Variants in ZNF280D observed in about 807,000 individuals in gnomAD.
The protein encoded by ZNF280D is zinc finger protein 280D.
A neutral mutation model predicts 94.7 loss-of-function variants in ZNF280D; 39 were observed. The ratio of observed to expected loss-of-function variants is 0.41; its 90% CI spans 0.32 to 0.54. ZNF280D has a LOEUF of 0.54. Among genes scored for constraint, ZNF280D ranks in the 20% least tolerant of loss-of-function variants. The probability of loss-of-function intolerance (pLI) is 0.22; values close to 1 mark genes in which losing one functional copy is unlikely to be tolerated. For missense variants in ZNF280D, 1,090 were observed against 1,149.3 expected (o/e 0.95, Z 0.75); for synonymous variants, 398 against 377.6 (o/e 1.05, Z -0.63).
Position 56,678,725 on chromosome 15 carries a change from A to C in ZNF280D, c.1101T>G (p.Phe367Leu). The C allele has an allele frequency of 6.2e-7, 1 of 1,613,360 alleles. No homozygotes were observed. Among genetic ancestry groups the C allele is most frequent in the Non-Finnish European group, 8.5e-7 (1 of 1,179,638 alleles). ...GACACTGCAACTGAAATGGTGTGGG[A>C]AACTGACGGTAGCAGTGCTGGCAGG... ...HTTCQHCYRQ[F>L]PTPFQLQCHI... Residue 367 changes from phenylalanine to leucine, a missense_variant, in exon 11 of 22, where the codon TTT (phenylalanine) becomes TTG (leucine). By Grantham distance (22) the Phe-to-Leu change is conservative. Around this residue, in one of 3 missense-constraint regions of ZNF280D, gnomAD observed 127 missense variants for 208.6 expected, o/e 0.61. Coordinates refer to ENST00000267807, the MANE Select transcript of ZNF280D (RefSeq NM_017661.4).
At position 56,707,339 on chromosome 15, in the gene ZNF280D, A is replaced by G. The variant is rs760037311; in HGVS notation, c.-85-33T>C. On this transcript the variant is annotated intron_variant, in intron 1 of 21. Coordinates refer to ENST00000267807, the MANE Select transcript of ZNF280D (RefSeq NM_017661.4). ...ATAAAGATACCAACTATTAGGGTGG[A>G]CTTCATTAAATTAGATGTATACATA... 2.0e-6 allele frequency: 3 copies of G among 1,503,682 alleles called. No individual in the cohort carries two copies. In the South Asian group the frequency reaches 3.6e-5, roughly 18 times the overall value. 93.1% of individuals were successfully genotyped at this position (1,503,682 alleles called of 1,614,324 possible).
chr15:56,716,372 G>C (rs2058042764), intron 1 of ZNF280D, among the ~76,000 whole-genome samples: 1 of 152,036 alleles, frequency 6.6e-6, no homozygotes, highest in Non-Finnish European at 1.5e-5. Flanking sequence ...GTTATTTGAA[G>C]AAAGGGTTGG....
chr15:56,706,414 G>A (rs1354924835), intron 3 of ZNF280D, among the ~76,000 whole-genome samples: 1 of 151,746 alleles, frequency 6.6e-6, no homozygotes, highest in Non-Finnish European at 1.5e-5. Context: ...GGAAGAGGAG[G>A]TTGCAATGAG....
chr15:56,676,504 A>G (rs1258535944), intron 13 of ZNF280D, among the ~76,000 whole-genome samples, 166 bp downstream of exon 13: 4 of 152,170 alleles, frequency 2.6e-5, no homozygotes, highest in African/African-American at 4.8e-5. Context: ...GGAAGTAAGG[A>G]AAAGAAGTGG....
At chr15:56,703,381 CCA>C (rs2057202886) in intron 4 of ZNF280D, among the ~76,000 whole-genome samples, 2 of 152,198 alleles carry the variant, frequency 1.3e-5, no homozygotes, top group Admixed American at 1.3e-4. Flanking sequence ...CAATCATTCA[CCA>C]CCTATACATT....
chr15:56,632,061 C>A lies in ZNF280D; in HGVS notation c.2377G>T (p.Gly793Cys). 1 of 1,606,938 alleles carries A rather than the reference C, an allele frequency of 6.2e-7. No individual in the cohort carries two copies. The highest frequency in any genetic ancestry group is 8.5e-7 in the Non-Finnish European group (1 of 1,176,934). Reference sequence around the variant, plus strand: ...TCTTCACTTTTTGTTGTTGATGAGCCTTCAAATGAATTTGCATTACATCCA... The same window carrying A: ...TCTTCACTTTTTGTTGTTGATGAGCATTCAAATGAATTTGCATTACATCCA... Reference protein sequence around the residue: ...KNGCNANSFEGSSTTKSEESI... With the variant: ...KNGCNANSFECSSTTKSEESI... The change falls in exon 22 of 22, where the codon GGC (glycine) becomes TGC (cysteine). Residue 793 changes from glycine to cysteine, a missense_variant. Gly to Cys is a radical substitution (Grantham distance 159). Coordinates refer to ENST00000267807, the MANE Select transcript of ZNF280D (RefSeq NM_017661.4).
At chr15:56,708,853 T>C (rs8040718) in intron 1 of ZNF280D, among the ~76,000 whole-genome samples, 34,524 of 151,840 alleles carry the variant, frequency 0.23, 4,348 homozygotes, top group Middle Eastern at 0.34. Flanking sequence ...ATACAAAAAT[T>C]AATTCAAGAT....
chr15:56,724,126 A>G (rs2058515290), intron 1 of ZNF280D, among the ~76,000 whole-genome samples: 2 of 152,210 alleles, frequency 1.3e-5, no homozygotes, highest in Admixed American at 1.3e-4. Context: ...CTTGAAGTAC[A>G]GTTTCTACTA....
chr15:56,710,908 AC>A (rs2057725052), intron 1 of ZNF280D, among the ~76,000 whole-genome samples: 1 of 152,158 alleles, frequency 6.6e-6, no homozygotes, highest in African/African-American at 2.4e-5. Context: ...TAGTATCTGC[AC>A]ATTTAAAAAA....
rs1450530516 is a variant in ZNF280D, at chr15:56,700,685, A to T, written c.381+248T>A. The T allele has an allele frequency of 4.9e-6, 7 of 1,421,762 alleles. No homozygotes were observed. The Admixed American group carries it at 2.1e-4, about 43-fold the overall frequency. The allele number at this position is 1,421,762 out of a possible 1,614,324, so 88.1% of individuals were successfully genotyped here. ...ATAATTTTATTCACATTTTGATAGT[A>T]TAGTTTTCATTACTGTACCTATTTA... is the stretch of plus-strand genomic sequence containing the variant. On this transcript the variant is annotated intron_variant, in intron 6 of 21. Transcript: ENST00000267807.
At chr15:56,705,387 C>G (rs1401340014) in intron 3 of ZNF280D, among the ~76,000 whole-genome samples, 1 of 152,154 alleles carries the variant, frequency 6.6e-6, no homozygotes, top group Non-Finnish European at 1.5e-5. Flanking sequence ...CTTTCCTTCT[C>G]AGTTTTACAA....
intron 1 of ZNF280D, among the ~76,000 whole-genome samples, chr15:56,714,443 A>G (rs1402552429): frequency 6.6e-6 from 1 of 152,220 alleles, no homozygotes; most frequent in Non-Finnish European, 1.5e-5. Context: ...TATTTTTAAA[A>G]TAAACCAAAA....
chr15:56,669,951 A>ATATATATATAT (rs2054680469), intron 13 of ZNF280D, among the ~76,000 whole-genome samples: 4 of 1,614 alleles, frequency 2.5e-3, no homozygotes, highest in African/African-American at 8.2e-3. Flanking sequence ...TATATATATT[A>ATATATATATAT]TATATATATA....
chr15:56,714,108 A>T (rs2057914054), intron 1 of ZNF280D, among the ~76,000 whole-genome samples: 1 of 152,218 alleles, frequency 6.6e-6, no homozygotes, highest in Non-Finnish European at 1.5e-5. Flanking sequence ...TTGTGCCTCA[A>T]GTATTTCTTA....
In ZNF280D at chr15:56,682,301, T is replaced by G. The variant is rs752618061; in HGVS notation, c.957A>C (p.Thr319=). The change falls in exon 10 of 22, where the codon ACA becomes ACC. Residue 319 remains threonine, a synonymous_variant. Coordinates refer to ENST00000267807, the MANE Select transcript of ZNF280D (RefSeq NM_017661.4). The part of the protein sequence containing the change: ...GDVQEEQKTH[T]TFKCFSCLKI... ...TCAAGCAACTGAAGCATTTAAAGGT[T>G]GTGTGAGTCTTCTGTTCCTCCTGGA... The G allele has an allele frequency of 1.3e-6, 2 of 1,590,222 alleles. No homozygotes were observed. Among genetic ancestry groups the G allele is most frequent in the South Asian group, 2.3e-5 (2 of 85,704 alleles).
chr15:56,728,935 C>T lies in ZNF280D; in HGVS notation c.-86+4523G>A, dbSNP rs535140311. Among the ~76,000 whole-genome samples the T allele has an allele frequency of 7.9e-5, 12 of 152,242 alleles. No homozygotes were observed. In the South Asian group the frequency reaches 2.1e-3, roughly 26 times the overall value. On this transcript the variant is annotated intron_variant, in intron 1 of 21. Transcript: ENST00000267807. ...ATTTGAGGTAGGCTAAGCCAAGCTA[C>T]GATGTTCAGTATGTTAGGTGTATTA...
intron 11 of ZNF280D, 89 bp downstream of exon 11, chr15:56,678,575 C>T: frequency 8.1e-7 from 1 of 1,235,806 alleles, no homozygotes; most frequent in Admixed American, 2.9e-5. Flanking sequence ...TTCTCATTCT[C>T]ATTTTTCTAA....
chr15:56,687,739 T>C (rs1020699074), intron 9 of ZNF280D, among the ~76,000 whole-genome samples: 2 of 152,008 alleles, frequency 1.3e-5, no homozygotes, highest in African/African-American at 4.8e-5. Context: ...AAGAGGAAAA[T>C]TGAAAGTACT....
At chr15:56,679,289 CTT>C (rs1279582987) in intron 10 of ZNF280D, among the ~76,000 whole-genome samples, 1 of 152,146 alleles carries the variant, frequency 6.6e-6, no homozygotes, top group Non-Finnish European at 1.5e-5. Flanking sequence ...AGGAGGAAAT[CTT>C]TTAAGGCCTT....
Sources: allele counts gnomAD v4.1 joint callset (sites outside exome capture counted in the v4.1 genomes callset), GRCh38; gene constraint gnomAD v4.1.1; regional missense constraint gnomAD v4.1.1; transcripts MANE v1.5; gene names NCBI Gene and HGNC (gene_info 2026-07-23, HGNC 2026-07-21).